Variants in CDKAL1 observed in about 807,000 individuals in gnomAD.
CDKAL1 encodes the protein threonylcarbamoyladenosine tRNA methylthiotransferase.
CDKAL1 carries 32 observed loss-of-function variants against 68.2 expected under a neutral mutation model. The ratio of observed to expected loss-of-function variants is 0.47; its 90% CI spans 0.35 to 0.63. The LOEUF (loss-of-function observed/expected upper bound fraction) is 0.63, where lower values mean the gene tolerates loss of function less well. Among genes scored for constraint, CDKAL1 ranks in the 30% least tolerant of loss-of-function variants. The pLI is 0.00. For synonymous variants in CDKAL1, 234 were observed against 244.3 expected, an observed-to-expected ratio of 0.96 and a Z score of 0.39; for missense variants, 606 against 696.7, an observed-to-expected ratio of 0.87 and a Z score of 1.47.
At chr6:20,884,790 A>C (rs1349500708) in intron 9 of CDKAL1, among the ~76,000 whole-genome samples, 1 of 152,188 alleles carries the variant, frequency 6.6e-6, no homozygotes, top group Non-Finnish European at 1.5e-5. Context: ...TAAAATACCT[A>C]GGAATAAATT....
At chr6:20,571,502 T>C (rs1325489765) in intron 4 of CDKAL1, among the ~76,000 whole-genome samples, 2 of 152,138 alleles carry the variant, frequency 1.3e-5, no homozygotes, top group African/African-American at 4.8e-5. Flanking sequence ...AATGCTTAAT[T>C]ACAAATTTGG....
chr6:20,692,900 G>A (rs1209113402), intron 5 of CDKAL1, among the ~76,000 whole-genome samples: 1 of 151,946 alleles, frequency 6.6e-6, no homozygotes, highest in Non-Finnish European at 1.5e-5. Flanking sequence ...GCCGAGGTGG[G>A]TGGATCACGA....
At chr6:21,017,927 C>T (rs1288441069) in intron 11 of CDKAL1, among the ~76,000 whole-genome samples, 2 of 152,040 alleles carry the variant, frequency 1.3e-5, no homozygotes, top group Non-Finnish European at 2.9e-5. Flanking sequence ...GCTGAGGTTA[C>T]CAACACTTTT....
chr6:20,719,208 T>G (rs1198086796), intron 5 of CDKAL1, among the ~76,000 whole-genome samples: 1 of 152,130 alleles, frequency 6.6e-6, no homozygotes, highest in East Asian at 1.9e-4. Context: ...GGCAGATGAG[T>G]TCTGTGTACA....
chr6:20,804,494 A>C (rs1156860285), intron 8 of CDKAL1, among the ~76,000 whole-genome samples: 1 of 152,236 alleles, frequency 6.6e-6, no homozygotes, highest in African/African-American at 2.4e-5. Flanking sequence ...GCTGGGGAAA[A>C]TAAAAAGAAA....
At chr6:21,125,444 G>A (rs560877397) in intron 13 of CDKAL1, among the ~76,000 whole-genome samples, 28 of 152,196 alleles carry the variant, frequency 1.8e-4, no homozygotes, top group African/African-American at 5.8e-4. Context: ...AGGCCAAGGC[G>A]GGTGGATCAC....
intron 13 of CDKAL1, among the ~76,000 whole-genome samples, chr6:21,159,452 C>T (rs1776804689): frequency 6.6e-6 from 1 of 152,172 alleles, no homozygotes; most frequent in Non-Finnish European, 1.5e-5. Context: ...ATCTTTTATA[C>T]AAGCTGTCAT....
intron 9 of CDKAL1, among the ~76,000 whole-genome samples, chr6:20,902,746 G>C (rs1762061055): frequency 1.3e-5 from 2 of 152,248 alleles, no homozygotes; most frequent in African/African-American, 4.8e-5. Flanking sequence ...CATACAAAAA[G>C]GGAGAGATAG....
chr6:20,750,162 T>G (rs892217683), intron 6 of CDKAL1, among the ~76,000 whole-genome samples: 1 of 152,090 alleles, frequency 6.6e-6, no homozygotes, highest in African/African-American at 2.4e-5. Flanking sequence ...TCACTCTGGC[T>G]AAGTGGAATG....
At chr6:21,201,511 CAG>C (rs1020128782) in intron 15 of CDKAL1, among the ~76,000 whole-genome samples, 4 of 152,162 alleles carry the variant, frequency 2.6e-5, no homozygotes, top group African/African-American at 9.7e-5. Context: ...AGTTTAGAAG[CAG>C]GGGGTAAAAG....
At chr6:20,975,639 T>G (rs1765810827) in intron 10 of CDKAL1, among the ~76,000 whole-genome samples, 1 of 152,198 alleles carries the variant, frequency 6.6e-6, no homozygotes, top group Non-Finnish European at 1.5e-5. Context: ...TTTGACTTAG[T>G]TATTTCATAA....
At chr6:20,718,836 A>C (rs764753412) in intron 5 of CDKAL1, among the ~76,000 whole-genome samples, 1 of 152,172 alleles carries the variant, frequency 6.6e-6, no homozygotes, top group Non-Finnish European at 1.5e-5. Context: ...ATTAAAAAAA[A>C]CTTCTTACTA....
rs550090362 is a variant in CDKAL1, at chr6:21,057,620, G to C, written c.1056-7428G>C. Among the ~76,000 whole-genome samples the C allele has an allele frequency of 2.6e-5, 4 of 151,970 alleles. No homozygotes were observed. In the East Asian group the frequency reaches 7.7e-4, roughly 29 times the overall value. ...TTTTTAGTTGTGATGTTAAGATGTT[G>C]ATTTGAGATCTTTCTAGCTTTTTGA... On this transcript the variant is annotated intron_variant, in intron 11 of 15. Coordinates refer to ENST00000274695, the MANE Select transcript of CDKAL1 (RefSeq NM_017774.3).
chr6:20,838,815 A>G (rs934687003), intron 8 of CDKAL1, among the ~76,000 whole-genome samples: 2 of 152,112 alleles, frequency 1.3e-5, no homozygotes, highest in African/African-American at 4.8e-5. Flanking sequence ...TCTATTAAAA[A>G]TACAAAAAAA....
intron 9 of CDKAL1, among the ~76,000 whole-genome samples, chr6:20,849,948 T>C (rs1472851416): frequency 6.6e-6 from 1 of 152,208 alleles, no homozygotes; most frequent in Non-Finnish European, 1.5e-5. Context: ...ATTTTAATGC[T>C]GTTATAGAAA....
At chr6:20,850,703 G>A (rs1758960043) in intron 9 of CDKAL1, among the ~76,000 whole-genome samples, 1 of 152,118 alleles carries the variant, frequency 6.6e-6, no homozygotes, top group African/African-American at 2.4e-5. Context: ...CTCCCAAAGT[G>A]CAGGGATTAC....
chr6:21,017,638 G>T (rs34894804), intron 11 of CDKAL1, among the ~76,000 whole-genome samples: 4 of 152,042 alleles, frequency 2.6e-5, no homozygotes, highest in East Asian at 3.8e-4. Flanking sequence ...CTCAAAATAC[G>T]TATTGCCTTC....
chr6:21,003,386 A>ACAC (rs1212856349), intron 11 of CDKAL1, among the ~76,000 whole-genome samples: 1 of 129,414 alleles, frequency 7.7e-6, no homozygotes, highest in East Asian at 2.3e-4. Context: ...ACACACACAC[A>ACAC]CACATATATA....
intron 9 of CDKAL1, among the ~76,000 whole-genome samples, chr6:20,913,842 T>C (rs1222928213): frequency 1.3e-5 from 2 of 152,152 alleles, no homozygotes; most frequent in Non-Finnish European, 2.9e-5. Flanking sequence ...TAAAAATTAA[T>C]TAGCTGTGGG....
Sources: gnomAD v4.1 joint callset for allele counts (sites outside exome capture counted in the v4.1 genomes callset) on GRCh38, gnomAD v4.1.1 for gene constraint, MANE v1.5 for transcripts, NCBI Gene and HGNC (gene_info 2026-07-23, HGNC 2026-07-21) for gene names.